The following DOCK3 variants were observed in gnomAD, a reference collection of about 807,000 sequenced individuals.
DOCK3 encodes dedicator of cytokinesis 3, also known as dedicator of cytokinesis protein 3.
A neutral mutation model predicts 265.6 loss-of-function variants in DOCK3; 60 were observed. That is an observed-to-expected ratio of 0.23 (90% CI 0.18 to 0.28). The LOEUF (loss-of-function observed/expected upper bound fraction) is 0.28. Ranked by LOEUF, DOCK3 falls within the 10% of genes least tolerant of loss-of-function variation. The pLI, the probability that DOCK3 is intolerant of heterozygous loss-of-function variation, is 1.00. For missense variants in DOCK3, 1,981 were observed against 2,594.3 expected (o/e 0.76, Z 5.14); for synonymous variants, 881 against 938.0 (o/e 0.94, Z 1.11).
intron 12 of DOCK3, among the ~76,000 whole-genome samples, chr3:51,202,713 C>G (rs1195245693): frequency 6.6e-6 from 1 of 151,746 alleles, no homozygotes; most frequent in Non-Finnish European, 1.5e-5. Context: ...GAGACACAAC[C>G]AAAAAAGAGA....
At chr3:51,021,297 G>T (rs920532557) in intron 5 of DOCK3, among the ~76,000 whole-genome samples, 7 of 152,012 alleles carry the variant, frequency 4.6e-5, no homozygotes, top group Non-Finnish European at 1.0e-4. Context: ...GATTCTCCAA[G>T]GTTGAAATGA....
intron 9 of DOCK3, among the ~76,000 whole-genome samples, chr3:51,126,856 A>G (rs966873488): frequency 6.6e-6 from 1 of 152,066 alleles, no homozygotes; most frequent in Non-Finnish European, 1.5e-5. Context: ...AGATTATTTC[A>G]TCACCCAGGT....
chr3:51,228,711 C>G lies in DOCK3; in HGVS notation c.1698C>G (p.Pro566=), dbSNP rs750711290. 3 of 1,613,988 alleles carry G rather than the reference C, an allele frequency of 1.9e-6. No homozygotes were observed. The highest frequency in any genetic ancestry group is 2.5e-6 in the Non-Finnish European group (3 of 1,179,890). ...FNNHALYLGL[P]CCKEDYNGCP... is the part of the protein sequence containing the mutation. ...ACCATGCTCTGTACCTGGGCCTGCC[C>G]TGCTGCAAAGAGGACTACAATGGCT... is the stretch of plus-strand genomic sequence containing the variant. Residue 566 remains proline, a synonymous_variant, in exon 18 of 53, where the codon CCC becomes CCG. Coordinates refer to ENST00000266037, the MANE Select transcript of DOCK3 (RefSeq NM_004947.5).
intron 1 of DOCK3, among the ~76,000 whole-genome samples, chr3:50,745,143 C>T (rs1035738740): frequency 6.6e-6 from 1 of 152,070 alleles, no homozygotes; most frequent in African/African-American, 2.4e-5. Context: ...CAGAGTCTCA[C>T]TCTGTTGCTC....
In DOCK3 at chr3:50,994,267, T is replaced by C. The variant is rs1575704070; in HGVS notation, c.315+60190T>C. On this transcript the variant is annotated intron_variant, in intron 5 of 52. Coordinates refer to ENST00000266037, the MANE Select transcript of DOCK3 (RefSeq NM_004947.5). ...TCAAAATTATAAAATATTTCACATGTAAATTTATCAAGCAGTTACAATGTA... is the reference window on the plus strand; with the variant it reads ...TCAAAATTATAAAATATTTCACATGCAAATTTATCAAGCAGTTACAATGTA... Among the ~76,000 whole-genome samples, 4 of 152,356 alleles carry C rather than the reference T, an allele frequency of 2.6e-5. No individual in the cohort carries two copies. The East Asian group carries it at 7.7e-4, about 29-fold the overall frequency.
intron 12 of DOCK3, among the ~76,000 whole-genome samples, chr3:51,162,052 A>C (rs1304485457): frequency 1.1e-4 from 16 of 152,252 alleles, no homozygotes; most frequent in Non-Finnish European, 2.9e-5. Flanking sequence ...GTGCTAAAAA[A>C]ATGATCAGTG....
At chr3:50,928,203 A>G (rs2050871151) in intron 4 of DOCK3, among the ~76,000 whole-genome samples, 1 of 151,328 alleles carries the variant, frequency 6.6e-6, no homozygotes, top group Admixed American at 6.6e-5. Flanking sequence ...CAGTGGCATC[A>G]AATACATTCA....
chr3:50,944,999 C>G (rs1053547217), intron 5 of DOCK3, among the ~76,000 whole-genome samples: 2 of 152,008 alleles, frequency 1.3e-5, no homozygotes, highest in African/African-American at 4.8e-5. Context: ...AAATAAAAAC[C>G]CAAAAAAGCT....
At chr3:51,215,445 A>G (rs376416883) in intron 14 of DOCK3, among the ~76,000 whole-genome samples, 115 of 152,306 alleles carry the variant, frequency 7.6e-4, no homozygotes, top group African/African-American at 2.7e-3. Context: ...TTGAGTTTTA[A>G]TGCTTTGCTA....
intron 9 of DOCK3, among the ~76,000 whole-genome samples, chr3:51,140,152 A>C (rs910687388): frequency 1.3e-5 from 2 of 152,234 alleles, no homozygotes; most frequent in African/African-American, 4.8e-5. Flanking sequence ...GGTACAGTTC[A>C]GTGGCTTTTA....
At chr3:50,883,175 G>T (rs1225385859) in intron 3 of DOCK3, among the ~76,000 whole-genome samples, 1 of 151,902 alleles carries the variant, frequency 6.6e-6, no homozygotes, top group Admixed American at 6.6e-5. Context: ...CAAATGATGA[G>T]TTAACAGGTG....
intron 17 of DOCK3, 23 bp downstream of exon 17, chr3:51,228,111 A>T: frequency 6.2e-7 from 1 of 1,611,154 alleles, no homozygotes; most frequent in Non-Finnish European, 8.5e-7. Context: ...GCTGCCTTTC[A>T]TCCCCACCCC....
intron 27 of DOCK3, among the ~76,000 whole-genome samples, chr3:51,284,451 T>G (rs2081301363): frequency 6.6e-6 from 1 of 152,292 alleles, no homozygotes; most frequent in East Asian, 1.9e-4. Context: ...CAGAAAGAAC[T>G]AGGCATTTAT....
chr3:50,732,243 C>T (rs60455882), intron 1 of DOCK3, among the ~76,000 whole-genome samples: 3,786 of 152,142 alleles, frequency 0.025, 180 homozygotes, highest in African/African-American at 0.087. Flanking sequence ...ACAACACACA[C>T]TGGGGCCTGT....
intron 5 of DOCK3, among the ~76,000 whole-genome samples, chr3:50,983,175 AG>A (rs1294616798): frequency 6.6e-6 from 1 of 151,870 alleles, no homozygotes; most frequent in African/African-American, 2.4e-5. Flanking sequence ...TTGGGTACAC[AG>A]GGGGTAGGGA....
intron 32 of DOCK3, among the ~76,000 whole-genome samples, chr3:51,322,204 T>C (rs934248482): frequency 1.3e-5 from 2 of 152,122 alleles, no homozygotes; most frequent in Non-Finnish European, 2.9e-5. Context: ...GTTTTTGTTT[T>C]TGTTTTTGTT....
chr3:51,203,651 T>G (rs967161968), intron 12 of DOCK3, among the ~76,000 whole-genome samples: 7 of 152,248 alleles, frequency 4.6e-5, no homozygotes, highest in African/African-American at 1.7e-4. Context: ...CTTCACAGAA[T>G]TGGAAAAAAC....
chr3:51,114,701 C>G (rs545724974), intron 9 of DOCK3, among the ~76,000 whole-genome samples: 1 of 152,190 alleles, frequency 6.6e-6, no homozygotes, highest in South Asian at 2.1e-4. Flanking sequence ...ATGTGCAGAA[C>G]ATGCAGGTTT....
chr3:50,811,303 C>T (rs2043742925), intron 2 of DOCK3, among the ~76,000 whole-genome samples: 2 of 151,930 alleles, frequency 1.3e-5, no homozygotes, highest in African/African-American at 4.8e-5. Context: ...ACTCAGGAGG[C>T]TGAGGCAGGA....
Sources: allele counts gnomAD v4.1 joint callset (sites outside exome capture counted in the v4.1 genomes callset), GRCh38; gene constraint gnomAD v4.1.1; transcripts MANE v1.5; gene names NCBI Gene and HGNC (gene_info 2026-07-23, HGNC 2026-07-21).